TADA3: variants seen among roughly 807,000 people sequenced by gnomAD.
TADA3 encodes the protein transcriptional adaptor 3.
In TADA3, 25 loss-of-function variants were observed where a neutral mutation model predicts 43.2. That is an observed-to-expected ratio of 0.58 (90% CI 0.42 to 0.81). The LOEUF is 0.81. Among genes scored for constraint, TADA3 ranks in the 30% least tolerant of loss-of-function variants. TADA3 has a pLI of 0.00. For missense variants in TADA3, 441 were observed against 567.8 expected, an observed-to-expected ratio of 0.78 and a Z score of 2.27; for synonymous variants, 235 against 225.5, an observed-to-expected ratio of 1.04 and a Z score of -0.38.
upstream of TADA3, chr3:9,792,771 G>C (rs2078773036): frequency 3.2e-6 from 4 of 1,249,332 alleles, no homozygotes; most frequent in Non-Finnish European, 4.0e-6. Flanking sequence ...GTCCGCTTCG[G>C]CTTGTCCTAA....
intron 4 of TADA3, among the ~76,000 whole-genome samples, chr3:9,788,715 T>A (rs112947006): frequency 4.3e-4 from 66 of 151,944 alleles, no homozygotes; most frequent in African/African-American, 1.3e-3. Flanking sequence ...AATTTTTGTA[T>A]TTTTAGTAGA....
Position 9,791,249 on chromosome 3 carries a change from G to T in TADA3, c.207+11C>A. ...CCATCTCTGGTGCTGGCCCCTCTCT[G>T]GGGTTATCACCTGGGTTTCGGCCTC... On this transcript the variant is annotated intron_variant, in intron 2 of 8. Transcript: ENST00000301964. 1 of 1,608,614 alleles carries T rather than the reference G, an allele frequency of 6.2e-7. No homozygotes were observed. Among genetic ancestry groups the T allele is most frequent in the South Asian group, 1.1e-5 (1 of 90,454 alleles).
chr3:9,786,606 C>T (rs548252005), intron 6 of TADA3, among the ~76,000 whole-genome samples: 1 of 152,306 alleles, frequency 6.6e-6, no homozygotes, highest in Non-Finnish European at 1.5e-5. Flanking sequence ...GCGTTAACCA[C>T]TGTCCTGGCC....
At chr3:9,785,917 C>T (rs1313942541) in intron 6 of TADA3, among the ~76,000 whole-genome samples, 1 of 151,782 alleles carries the variant, frequency 6.6e-6, no homozygotes, top group Non-Finnish European at 1.5e-5. Flanking sequence ...AAGTTTCCTT[C>T]ACACACTCCT....
At chr3:9,784,361 C>T in intron 7 of TADA3, 148 bp from the exon 8 acceptor site, 1 of 1,059,364 alleles carries the variant, frequency 9.4e-7, no homozygotes, top group Non-Finnish European at 1.3e-6. Context: ...AAGGGAGGGA[C>T]AGACACATCT....
At chr3:9,782,346 C>T (rs1362060203) in intron 8 of TADA3, among the ~76,000 whole-genome samples, 1 of 152,220 alleles carries the variant, frequency 6.6e-6, no homozygotes, top group Non-Finnish European at 1.5e-5. Flanking sequence ...CAGAGCATTT[C>T]GCTTCACTGG....
At chr3:9,787,601 TAC>T in intron 4 of TADA3, 2 of 1,125,880 alleles carry the variant, frequency 1.8e-6, no homozygotes, top group Non-Finnish European at 2.5e-6. Context: ...GCAGAATACG[TAC>T]ACAGATTGTC....
chr3:9,781,593 G>A (rs2078466720), intron 8 of TADA3: 1 of 456,242 alleles, frequency 2.2e-6, no homozygotes, highest in African/African-American at 2.0e-5. Context: ...GCCTGAGGCT[G>A]ACAGGAGGTG....
intron 8 of TADA3, 93 bp downstream of exon 8, chr3:9,783,935 T>A: frequency 6.9e-7 from 1 of 1,451,428 alleles, no homozygotes; most frequent in Non-Finnish European, 9.1e-7. Flanking sequence ...CAGCCAGGAT[T>A]GGAAAGCCTG....
At chr3:9,783,655 G>GT (rs1451986238) in intron 8 of TADA3, 2 of 163,432 alleles carry the variant, frequency 1.2e-5, no homozygotes, top group Non-Finnish European at 2.7e-5. Flanking sequence ...GTGGGTGCCT[G>GT]TAGTATCAGC....
chr3:9,789,103 T>G (rs2078681704), intron 4 of TADA3, among the ~76,000 whole-genome samples: 1 of 152,192 alleles, frequency 6.6e-6, no homozygotes, highest in South Asian at 2.1e-4. Flanking sequence ...CCCAAAGTGC[T>G]AGGATTGCAG....
chr3:9,792,842 G>C, upstream of TADA3: 1 of 1,364,448 alleles, frequency 7.3e-7, no homozygotes, highest in Non-Finnish European at 9.4e-7. Flanking sequence ...CTGTGGCAAA[G>C]GTGACAAGAA....
chr3:9,792,505 G>GGGGCGGGGAGTCAGCGA, upstream of TADA3: 5 of 1,217,788 alleles, frequency 4.1e-6, 1 homozygote, highest in Non-Finnish European at 5.1e-6. Context: ...AGTTGACGCG[G>GGGGCGGGGAGTCAGCGA]GGGCGGGGAG....
Position 9,791,402 on chromosome 3 carries a change from A to G in TADA3, c.65T>C (p.Val22Ala). The change falls in exon 2 of 9, where the codon GTC becomes GCC. Residue 22 changes from valine (V) to alanine (A), a missense_variant. Coordinates refer to ENST00000301964, the MANE Select transcript of TADA3 (RefSeq NM_006354.5). The stretch of plus-strand genomic sequence containing the variant: ...CAGCACTGCCGTGTAGCGGGGACAG[A>G]CCTTCAGGTGATCCACAGACTTGAA... ...HDFKSVDHLK[V>A]CPRYTAVLAR... 1.9e-6 allele frequency: 3 copies of G among 1,614,122 alleles called. No individual in the cohort carries two copies. Among genetic ancestry groups the G allele is most frequent in the Non-Finnish European group, 1.7e-6 (2 of 1,179,980 alleles).
rs201317788 is a variant in TADA3 at position 9,780,477 on chromosome 3, G to A, written c.1179C>T (p.Asp393=). 6.7e-5 allele frequency: 108 copies of A among 1,611,152 alleles called. No homozygotes were observed. The African/African-American group carries it at 8.1e-4, about 12-fold the overall frequency. The change falls in exon 9 of 9, where the codon GAC becomes GAT. Residue 393 remains aspartate (D), a synonymous_variant. Coordinates refer to ENST00000301964, the MANE Select transcript of TADA3 (RefSeq NM_006354.5). The part of the protein sequence containing the change: ...RVRMADNEVM[D]AFRKIMAARQ... ...GGGCAGCCATGATCTTGCGAAAGGCGTCCATGACCTCGTTGTCAGCCATGC... is the reference window on the plus strand; with the variant it reads ...GGGCAGCCATGATCTTGCGAAAGGCATCCATGACCTCGTTGTCAGCCATGC...
Position 9,791,322 on chromosome 3 carries a change from C to A in TADA3, c.145G>T (p.Glu49Ter), listed in dbSNP as rs752763833. 6.2e-7 allele frequency: 1 copy of A among 1,614,076 alleles called. No homozygotes were observed. The highest frequency in any genetic ancestry group is 1.1e-5 in the South Asian group (1 of 91,074). The change falls in exon 2 of 9, where the codon GAG becomes TAG. Residue 49 changes from glutamate to a stop codon, truncating the protein, a stop_gained. Transcript: ENST00000301964. LOFTEE classifies it high-confidence loss of function. Reference protein sequence around the residue: ...GIEELDTLQLELETLLSSASR... With the variant: ...GIEELDTLQL ...GCAGAAGACAGCAGGGTCTCCAGCTCCAGCTGCAGGGTGTCCAGCTCCTCG... is the reference window on the plus strand; with the variant it reads ...GCAGAAGACAGCAGGGTCTCCAGCTACAGCTGCAGGGTGTCCAGCTCCTCG...
chr3:9,788,396 CCACCA>C (rs976927579), intron 4 of TADA3, among the ~76,000 whole-genome samples: 15 of 152,038 alleles, frequency 9.9e-5, no homozygotes. Context: ...CAGGCGCCCG[CCACCA>C]CGCCCGGCTA....
chr3:9,786,648 A>C (rs2078620070), intron 6 of TADA3, among the ~76,000 whole-genome samples: 1 of 152,158 alleles, frequency 6.6e-6, no homozygotes, highest in Non-Finnish European at 1.5e-5. Context: ...AAGCCCCTCC[A>C]ACAGATGCTT....
upstream of TADA3, chr3:9,792,732 G>C (rs1200576274): frequency 8.1e-7 from 1 of 1,237,424 alleles, no homozygotes; most frequent in Non-Finnish European, 1.0e-6. Context: ...AAAGGATGGG[G>C]GTACAGAACC....
Sources: allele counts gnomAD v4.1 joint callset (sites outside exome capture counted in the v4.1 genomes callset), GRCh38; gene constraint gnomAD v4.1.1; transcripts MANE v1.5; gene names NCBI Gene and HGNC (gene_info 2026-07-23, HGNC 2026-07-21).